TRMT11: variants seen among roughly 807,000 people sequenced by gnomAD.
TRMT11 encodes tRNA methyltransferase 11.
Under a neutral mutation model 62.8 loss-of-function variants are expected in TRMT11, and 53 were observed. That is an observed-to-expected ratio of 0.84 (90% confidence interval 0.68 to 1.06). The LOEUF (loss-of-function observed/expected upper bound fraction) is 1.06. TRMT11 is among the 50% of genes least tolerant of loss of function. TRMT11 has a pLI of 0.00. For synonymous variants in TRMT11, 188 were observed against 190.3 expected (o/e 0.99, Z 0.10); for missense variants, 556 against 553.4 (o/e 1.00, Z -0.05).
intron 21 of TRMT11, among the ~76,000 whole-genome samples, chr6:126,129,140 C>T (rs1012787431): frequency 6.6e-6 from 1 of 152,058 alleles, no homozygotes; most frequent in South Asian, 2.1e-4. Flanking sequence ...TTTCTAGCCC[C>T]TGCCAACTCT....
intron 17 of TRMT11, among the ~76,000 whole-genome samples, chr6:126,062,155 C>T (rs188397381): frequency 7.9e-4 from 121 of 152,238 alleles, no homozygotes; most frequent in African/African-American, 2.8e-3. Context: ...CAAAGTGCTG[C>T]GATCACAGGT....
chr6:125,991,823 T>C (rs1434850675), intron 1 of TRMT11, among the ~76,000 whole-genome samples: 1 of 152,224 alleles, frequency 6.6e-6, no homozygotes, highest in Non-Finnish European at 1.5e-5. Context: ...AGTTGGCAGC[T>C]ACTTAATGTA....
At chr6:126,124,737 A>G (rs1777694869) in intron 21 of TRMT11, among the ~76,000 whole-genome samples, 1 of 151,990 alleles carries the variant, frequency 6.6e-6, no homozygotes, top group South Asian at 2.1e-4. Context: ...CAACCAACCA[A>G]TGTTCCAGCA....
chr6:126,116,123 A>G (rs934938835), intron 21 of TRMT11, among the ~76,000 whole-genome samples: 2 of 151,778 alleles, frequency 1.3e-5, no homozygotes, highest in African/African-American at 4.8e-5. Flanking sequence ...ACCTAACTCA[A>G]AATGCCTTCT....
the TRMT11 span, among the ~76,000 whole-genome samples, chr6:126,267,449 T>G: frequency 1.3e-5 from 2 of 152,160 alleles, no homozygotes; most frequent in African/African-American, 2.4e-5. Flanking sequence ...TCTCATAGTC[T>G]TTGTACACTG....
intron 1 of TRMT11, among the ~76,000 whole-genome samples, chr6:126,182,495 G>C (rs1778478759): frequency 6.6e-6 from 1 of 151,970 alleles, no homozygotes; most frequent in Non-Finnish European, 1.5e-5. Flanking sequence ...GAAGGCCTTA[G>C]TGGTCTCTTT....
chr6:126,155,167 C>A (rs150649465), intron 21 of TRMT11, among the ~76,000 whole-genome samples: 1 of 152,314 alleles, frequency 6.6e-6, no homozygotes, highest in African/African-American at 2.4e-5. Context: ...CCCGAGGAAT[C>A]TTACAATCAT....
the TRMT11 span, among the ~76,000 whole-genome samples, chr6:126,265,235 A>G: frequency 6.6e-6 from 1 of 152,142 alleles, no homozygotes; most frequent in African/African-American, 2.4e-5. Flanking sequence ...TTTAACCTCA[A>G]CATGTAATCT....
chr6:126,252,197 T>C, the TRMT11 span, among the ~76,000 whole-genome samples: 1 of 152,314 alleles, frequency 6.6e-6, no homozygotes, highest in Admixed American at 6.5e-5. Flanking sequence ...AATAGCTGGG[T>C]GACTCCAGTG....
intron 1 of TRMT11, among the ~76,000 whole-genome samples, chr6:125,989,800 T>C (rs533004705): frequency 2.6e-4 from 39 of 152,362 alleles, no homozygotes; most frequent in Non-Finnish European, 3.8e-4. Flanking sequence ...AGTCCATCAC[T>C]GCATGGTTCT....
At chr6:126,255,003 T>A in the TRMT11 span, among the ~76,000 whole-genome samples, 1 of 152,166 alleles carries the variant, frequency 6.6e-6, no homozygotes, top group East Asian at 1.9e-4. Flanking sequence ...AATTATTTTT[T>A]AAAAATAAAA....
At chr6:126,267,846 G>A in the TRMT11 span, among the ~76,000 whole-genome samples, 1 of 152,212 alleles carries the variant, frequency 6.6e-6, no homozygotes, top group South Asian at 2.1e-4. Flanking sequence ...GTTTTTCTGG[G>A]TGATTAAGGG....
At chr6:126,240,536 C>T in the TRMT11 span, among the ~76,000 whole-genome samples, 2 of 152,184 alleles carry the variant, frequency 1.3e-5, no homozygotes, top group South Asian at 2.1e-4. Flanking sequence ...TATTGGTGAA[C>T]ATCTAATGTT....
intron 17 of TRMT11, among the ~76,000 whole-genome samples, chr6:126,079,430 G>A (rs1450131934): frequency 6.6e-6 from 1 of 152,100 alleles, no homozygotes; most frequent in Non-Finnish European, 1.5e-5. Context: ...AGACAAATAG[G>A]AATGTTGAAG....
At chr6:126,102,180 CA>C (rs1410806391) in intron 17 of TRMT11, among the ~76,000 whole-genome samples, 1 of 152,060 alleles carries the variant, frequency 6.6e-6, no homozygotes, top group Non-Finnish European at 1.5e-5. Context: ...GAGAGACTTG[CA>C]AACAAGGAAC....
At chr6:126,108,335 C>A (rs1484169214) in intron 17 of TRMT11, among the ~76,000 whole-genome samples, 1 of 152,136 alleles carries the variant, frequency 6.6e-6, no homozygotes, top group Non-Finnish European at 1.5e-5. Flanking sequence ...GCCCCTTGTG[C>A]CTTTGTGATG....
chr6:126,223,630 T>C, the TRMT11 span, among the ~76,000 whole-genome samples: 1 of 152,164 alleles, frequency 6.6e-6, no homozygotes, highest in Non-Finnish European at 1.5e-5. Flanking sequence ...CTAATGACTA[T>C]GTGTCTTGGA....
At position 126,075,705 on chromosome 6, in the gene TRMT11, T is replaced by C. The variant is rs909634517; in HGVS notation, c.*1437+22515T>C. Among the ~76,000 whole-genome samples, 16 of 152,070 alleles carry C rather than the reference T, an allele frequency of 1.1e-4. No individual in the cohort carries two copies. In the East Asian group the frequency reaches 2.9e-3, roughly 28 times the overall value. On this transcript the variant is annotated intron_variant and NMD_transcript_variant, in intron 17 of 22. Transcript: ENST00000648977. The stretch of plus-strand genomic sequence containing the variant: ...ACTGATACAGGCTGCTGAGAAATGG[T>C]AATATTGTAGTGAAGGTAATTACCT...
the TRMT11 span, among the ~76,000 whole-genome samples, chr6:126,267,157 C>T: frequency 6.6e-6 from 1 of 152,106 alleles, no homozygotes; most frequent in Admixed American, 6.5e-5. Flanking sequence ...GCTGTGTGAG[C>T]TTGGGTAAGT....
Sources: allele counts gnomAD v4.1 joint callset (sites outside exome capture counted in the v4.1 genomes callset), GRCh38; gene constraint gnomAD v4.1.1; transcripts MANE v1.5; gene names NCBI Gene and HGNC (gene_info 2026-07-23, HGNC 2026-07-21).